The following ADARB2 variants were observed in gnomAD, a reference collection of about 807,000 sequenced individuals.
ADARB2 encodes inactive double-stranded RNA-specific editase B2.
In ADARB2, 25 loss-of-function variants were observed where a neutral mutation model predicts 62.2. The ratio of observed to expected loss-of-function variants is 0.40; its 90% CI spans 0.29 to 0.56. The LOEUF (loss-of-function observed/expected upper bound fraction) is 0.56. Among genes scored for constraint, ADARB2 ranks in the 20% least tolerant of loss-of-function variants. The pLI is 0.43. For missense variants in ADARB2, 1,071 were observed against 1,077.4 expected (o/e 0.99, Z 0.08); for synonymous variants, 572 against 500.8 (o/e 1.14, Z -1.90).
intron 7 of ADARB2, among the ~76,000 whole-genome samples, chr10:1,204,052 T>G (rs1168929629): frequency 2.0e-5 from 3 of 152,158 alleles, no homozygotes; most frequent in Non-Finnish European, 2.9e-5. Flanking sequence ...TTCACGGCAT[T>G]GGAAGAGCAC....
Position 1,599,504 on chromosome 10 carries a change from T to G in ADARB2, c.100+137547A>C, listed in dbSNP as rs145951580. Reference sequence around the variant, plus strand: ...ATCCTGTGTACAGGGAAGCACGTATTGGAAATATGGGTTTGGGGAGGGTGT... The same window carrying G: ...ATCCTGTGTACAGGGAAGCACGTATGGGAAATATGGGTTTGGGGAGGGTGT... On this transcript the variant is annotated intron_variant, in intron 1 of 9. Coordinates refer to ENST00000381312, the MANE Select transcript of ADARB2 (RefSeq NM_018702.4). Among the ~76,000 whole-genome samples the G allele has an allele frequency of 2.0e-5, 3 of 152,282 alleles. No individual in the cohort carries two copies. In the East Asian group the frequency reaches 5.8e-4, roughly 29 times the overall value.
intron 1 of ADARB2, among the ~76,000 whole-genome samples, chr10:1,563,358 G>A (rs1242291427): frequency 2.6e-5 from 4 of 152,138 alleles, no homozygotes; most frequent in Non-Finnish European, 5.9e-5. Flanking sequence ...TGGTGAGAAC[G>A]TGGTTGCTCT....
intron 2 of ADARB2, among the ~76,000 whole-genome samples, chr10:1,368,147 G>A (rs1023404104): frequency 3.4e-5 from 5 of 146,744 alleles, no homozygotes; most frequent in Admixed American, 6.8e-5. Context: ...GAACGGGGGC[G>A]CAGGGGACAC....
chr10:1,581,401 T>A (rs1833096416), intron 1 of ADARB2, among the ~76,000 whole-genome samples: 1 of 152,166 alleles, frequency 6.6e-6, no homozygotes, highest in South Asian at 2.1e-4. Flanking sequence ...GGACAGGAGC[T>A]CAGGCGGCCA....
intron 1 of ADARB2, among the ~76,000 whole-genome samples, chr10:1,691,582 A>T (rs1236282126): frequency 2.6e-5 from 4 of 152,130 alleles, no homozygotes; most frequent in Admixed American, 2.6e-4. Context: ...AAGGGGTAAC[A>T]ATTGCATCTA....
chr10:1,508,730 C>T (rs1189718832), intron 1 of ADARB2, among the ~76,000 whole-genome samples: 1 of 152,200 alleles, frequency 6.6e-6, no homozygotes, highest in African/African-American at 2.4e-5. Flanking sequence ...AGTGAGATAG[C>T]TGAGATCACA....
chr10:1,680,195 C>A (rs892987407), intron 1 of ADARB2, among the ~76,000 whole-genome samples: 1 of 136,106 alleles, frequency 7.3e-6, no homozygotes, highest in African/African-American at 2.8e-5. Context: ...CTGTGTAATC[C>A]GCCACTCATA....
At chr10:1,647,749 T>A (rs1282343106) in intron 1 of ADARB2, among the ~76,000 whole-genome samples, 1 of 152,050 alleles carries the variant, frequency 6.6e-6, no homozygotes, top group Non-Finnish European at 1.5e-5. Flanking sequence ...TATATGTATG[T>A]GTGTATATGT....
intron 3 of ADARB2, among the ~76,000 whole-genome samples, chr10:1,300,361 T>TCACAC (rs141398147): frequency 0.44 from 66,013 of 151,304 alleles, 15,912 homozygotes; most frequent in East Asian, 0.68. Context: ...TCCCAGCCTC[T>TCACAC]CACACCACAC....
chr10:1,502,671 G>A lies in ADARB2; in HGVS notation c.101-123511C>T, dbSNP rs1434262275. On this transcript the variant is annotated intron_variant, in intron 1 of 9. Transcript: ENST00000381312. ...ACGGAAGTCTGAGTGGGTGTCACTC[G>A]GGTGCATGAGCTGGGCCTCAGGGTG... Among the ~76,000 whole-genome samples the A allele has an allele frequency of 3.9e-5, 6 of 152,326 alleles. No individual in the cohort carries two copies. In the South Asian group the frequency reaches 8.3e-4, roughly 21 times the overall value.
chr10:1,261,500 G>A lies in ADARB2; in HGVS notation c.1192+9455C>T, dbSNP rs535965391. 3.2e-3 allele frequency among the ~76,000 whole-genome samples: 484 copies of A among 150,430 alleles called. 34 individuals are homozygous for A. Among genetic ancestry groups the A allele is most frequent in the Middle Eastern group, 0.01 (3 of 292 alleles). On this transcript the variant is annotated intron_variant, in intron 4 of 9. Coordinates refer to ENST00000381312, the MANE Select transcript of ADARB2 (RefSeq NM_018702.4). Reference sequence around the variant, plus strand: ...AAAAAGTGGGCAAAGGACATGAACAGACACTTCTCAAAAGAAGACATTTAT... The same window carrying A: ...AAAAAGTGGGCAAAGGACATGAACAAACACTTCTCAAAAGAAGACATTTAT...
intron 1 of ADARB2, among the ~76,000 whole-genome samples, chr10:1,710,216 G>A (rs58580803): frequency 0.074 from 11,236 of 152,144 alleles, 780 homozygotes; most frequent in African/African-American, 0.18. Context: ...ACTCAGCCCA[G>A]AAGAGTATAT....
intron 1 of ADARB2, among the ~76,000 whole-genome samples, chr10:1,428,311 G>A (rs1830734526): frequency 6.9e-6 from 1 of 145,570 alleles, no homozygotes. Flanking sequence ...TTTTTTGACA[G>A]AGTCTTGTTT....
chr10:1,632,201 T>A (rs953061354), intron 1 of ADARB2, among the ~76,000 whole-genome samples: 2 of 152,130 alleles, frequency 1.3e-5, no homozygotes, highest in African/African-American at 4.8e-5. Flanking sequence ...ATCTTAAACA[T>A]CCAACTTCAT....
intron 1 of ADARB2, among the ~76,000 whole-genome samples, chr10:1,658,299 TTCTG>T (rs1481885230): frequency 6.6e-6 from 1 of 151,662 alleles, no homozygotes; most frequent in Non-Finnish European, 1.5e-5. Flanking sequence ...TATGTAGCTC[TTCTG>T]TCTCTCTCTA....
chr10:1,508,887 AG>A (rs1831885166), intron 1 of ADARB2, among the ~76,000 whole-genome samples: 1 of 152,260 alleles, frequency 6.6e-6, no homozygotes. Flanking sequence ...CTGAAAGCCC[AG>A]CCGTGAACCC....
intron 6 of ADARB2, among the ~76,000 whole-genome samples, chr10:1,220,469 G>A (rs1212393064): frequency 6.6e-6 from 1 of 151,892 alleles, no homozygotes; most frequent in African/African-American, 2.4e-5. Context: ...TAGTTCGTAT[G>A]ACTCAAAACA....
At chr10:1,273,372 C>T (rs976384943) in intron 3 of ADARB2, among the ~76,000 whole-genome samples, 1 of 152,204 alleles carries the variant, frequency 6.6e-6, no homozygotes, top group Non-Finnish European at 1.5e-5. Context: ...ATGATCCTCT[C>T]ACCTCAGCCT....
chr10:1,552,097 C>T (rs191483347), intron 1 of ADARB2, among the ~76,000 whole-genome samples: 93 of 152,358 alleles, frequency 6.1e-4, no homozygotes, highest in Middle Eastern at 6.8e-3. Context: ...AGTCCCAATC[C>T]TGCCACCAAG....
Sources: gnomAD v4.1 joint callset for allele counts (sites outside exome capture counted in the v4.1 genomes callset) on GRCh38, gnomAD v4.1.1 for gene constraint, MANE v1.5 for transcripts, NCBI Gene and HGNC (gene_info 2026-07-23, HGNC 2026-07-21) for gene names.